The following PHF21B variants were observed in gnomAD, a reference collection of about 807,000 sequenced individuals.
PHF21B encodes PHD finger protein 4.
Under a neutral mutation model 62.2 loss-of-function variants are expected in PHF21B, and 22 were observed. The ratio of observed to expected loss-of-function variants is 0.35; its 90% CI spans 0.25 to 0.51. The LOEUF (loss-of-function observed/expected upper bound fraction) is 0.51, where lower values mean the gene tolerates loss of function less well. PHF21B is among the 20% of genes least tolerant of loss of function. The pLI is 0.97. For missense variants in PHF21B, 701 were observed against 707.9 expected (o/e 0.99, Z 0.11); for synonymous variants, 341 against 314.7 (o/e 1.08, Z -0.88).
chr22:44,943,877 C>T (rs1460531530), intron 2 of PHF21B, among the ~76,000 whole-genome samples: 1 of 152,200 alleles, frequency 6.6e-6, no homozygotes, highest in Non-Finnish European at 1.5e-5. Context: ...GCCCGGCTTC[C>T]GAGTTCCTCC....
chr22:44,976,860 G>C (rs1477896113), intron 2 of PHF21B, among the ~76,000 whole-genome samples: 3 of 152,236 alleles, frequency 2.0e-5, no homozygotes, highest in Non-Finnish European at 2.9e-5. Context: ...AGTGGCCAGG[G>C]CCGGGCGGGG....
At chr22:44,899,663 T>TC (rs2071123552) in intron 5 of PHF21B, among the ~76,000 whole-genome samples, 1 of 151,858 alleles carries the variant, frequency 6.6e-6, no homozygotes, top group African/African-American at 2.4e-5. Context: ...TCTCCTTCCT[T>TC]CTCCTCTTCT....
At chr22:45,008,367 G>A (rs984155648) in intron 2 of PHF21B, 178 bp downstream of exon 2, 149 of 541,400 alleles carry the variant, frequency 2.8e-4, no homozygotes, top group Middle Eastern at 1.6e-3. Flanking sequence ...TGCCGCCTCC[G>A]AGAACCCGGC....
chr22:44,982,605 C>A (rs538057463), intron 2 of PHF21B, among the ~76,000 whole-genome samples: 133 of 152,318 alleles, frequency 8.7e-4, no homozygotes, highest in African/African-American at 2.8e-3. Context: ...TCTGCCCAAG[C>A]AAGAGACGCA....
chr22:44,962,483 G>C (rs1338186155), intron 2 of PHF21B, among the ~76,000 whole-genome samples: 1 of 152,220 alleles, frequency 6.6e-6, no homozygotes, highest in African/African-American at 2.4e-5. Context: ...ACCTAGCATT[G>C]CAAGTGAGTA....
rs77997050 is a variant in PHF21B, at chr22:44,915,044, T to C, written c.565-956A>G. Among the ~76,000 whole-genome samples the C allele has an allele frequency of 1.8e-3, 279 of 152,292 alleles. 10 individuals are homozygous for C. The East Asian group carries it at 0.05, about 27-fold the overall frequency. On this transcript the variant is annotated intron_variant, in intron 4 of 12. Transcript: ENST00000313237. ...TGGTTTGTTTTTCCCTAAGCACGGG[T>C]GGTGACTGTCTGATGAATTTGAGGC...
intron 5 of PHF21B, among the ~76,000 whole-genome samples, chr22:44,907,520 A>C (rs1055949573): frequency 6.6e-6 from 1 of 152,176 alleles, no homozygotes; most frequent in East Asian, 1.9e-4. Flanking sequence ...GCTTAGGATC[A>C]TGAGAGACTT....
At chr22:44,977,558 G>C (rs1237796308) in intron 2 of PHF21B, among the ~76,000 whole-genome samples, 1 of 149,738 alleles carries the variant, frequency 6.7e-6, no homozygotes, top group African/African-American at 2.5e-5. Context: ...GAGCGAGACT[G>C]TGTCTCAAAA....
chr22:44,913,520 C>T (rs915190735), intron 5 of PHF21B, among the ~76,000 whole-genome samples: 7 of 152,242 alleles, frequency 4.6e-5, no homozygotes, highest in East Asian at 3.8e-4. Flanking sequence ...AGCAAACAGA[C>T]GCGAGCTGCT....
intron 2 of PHF21B, among the ~76,000 whole-genome samples, chr22:45,002,293 T>G (rs2073234685): frequency 6.6e-6 from 1 of 152,222 alleles, no homozygotes; most frequent in African/African-American, 2.4e-5. Context: ...CTGGTAAACA[T>G]GTAACTATAA....
At chr22:44,955,443 G>A (rs879097221) in intron 2 of PHF21B, among the ~76,000 whole-genome samples, 1 of 152,232 alleles carries the variant, frequency 6.6e-6, no homozygotes, top group African/African-American at 2.4e-5. Context: ...TTCTGGGTGT[G>A]TCTGTGAGGG....
In PHF21B at chr22:44,968,540, A is replaced by C. The variant is rs557289300; in HGVS notation, c.120+40005T>G. 2.0e-4 allele frequency among the ~76,000 whole-genome samples: 30 copies of C among 151,220 alleles called. No individual in the cohort carries two copies. In the South Asian group the frequency reaches 6.3e-3, roughly 32 times the overall value. The stretch of plus-strand genomic sequence containing the variant: ...GTGCTTGTAATGCCAGCTACTCAGG[A>C]GGCTGAGGCAGAAGAATTGCTTGAA... On this transcript the variant is annotated intron_variant, in intron 2 of 12. Coordinates refer to ENST00000313237, the MANE Select transcript of PHF21B (RefSeq NM_138415.5).
intron 2 of PHF21B, chr22:44,971,199 CG>C (rs2072630567): frequency 6.6e-6 from 1 of 152,236 alleles, no homozygotes; most frequent in South Asian, 2.1e-4. Context: ...TCCTCACTCA[CG>C]GCTGGACCCT....
At chr22:44,899,639 T>C (rs1204678251) in intron 5 of PHF21B, among the ~76,000 whole-genome samples, 4 of 151,970 alleles carry the variant, frequency 2.6e-5, no homozygotes, top group African/African-American at 9.7e-5. Context: ...CCTTCCTTCT[T>C]CTTCTCCTCC....
At chr22:44,911,995 A>G (rs190950748) in intron 5 of PHF21B, among the ~76,000 whole-genome samples, 2 of 152,346 alleles carry the variant, frequency 1.3e-5, no homozygotes, top group African/African-American at 4.8e-5. Flanking sequence ...AATCAGCATG[A>G]CCTGGATCTG....
chr22:44,987,110 A>C (rs1199007287), intron 2 of PHF21B, among the ~76,000 whole-genome samples: 1 of 152,194 alleles, frequency 6.6e-6, no homozygotes, highest in African/African-American at 2.4e-5. Context: ...AGGCTAGCTA[A>C]ACTTGAGACA....
At position 44,978,936 on chromosome 22, in the gene PHF21B, GC is replaced by G. The variant is rs1013843190; in HGVS notation, c.120+29608del. Among the ~76,000 whole-genome samples the G allele has an allele frequency of 1.2e-3, 190 of 152,336 alleles. 3 individuals carry two copies. Among genetic ancestry groups the G allele is most frequent in the African/African-American group, 4.5e-3 (187 of 41,590 alleles). ...GATCCCAGGTGAGGCAGGCCCACTG[GC>G]CCCGGGGAGAAAACGCAGGACAGGG... On this transcript the variant is annotated intron_variant, in intron 2 of 12. Coordinates refer to ENST00000313237, the MANE Select transcript of PHF21B (RefSeq NM_138415.5).
intron 5 of PHF21B, chr22:44,901,516 T>G (rs532783512): frequency 8.3e-4 from 185 of 223,736 alleles, no homozygotes; most frequent in Non-Finnish European, 1.4e-3. Context: ...TGTATCTTCT[T>G]TGCTTGCCTC....
chr22:44,973,668 G>C (rs113122513), intron 2 of PHF21B, among the ~76,000 whole-genome samples: 4 of 151,574 alleles, frequency 2.6e-5, no homozygotes, highest in African/African-American at 9.7e-5. Flanking sequence ...CACTGTGCTT[G>C]ACTGGGGTGA....
Sources: allele counts gnomAD v4.1 joint callset (sites outside exome capture counted in the v4.1 genomes callset), GRCh38; gene constraint gnomAD v4.1.1; transcripts MANE v1.5; gene names NCBI Gene and HGNC (gene_info 2026-07-23, HGNC 2026-07-21).